Variants in SUMF1 observed in about 807,000 individuals in gnomAD.
SUMF1 encodes formylglycine-generating enzyme.
Under a neutral mutation model 47.6 loss-of-function variants are expected in SUMF1, and 48 were observed. That is an observed-to-expected ratio of 1.01 (90% CI 0.80 to 1.28). SUMF1 has a LOEUF of 1.28. Among genes scored for constraint, SUMF1 ranks in the 50% most tolerant of loss-of-function variants. The pLI is 0.00. For synonymous variants in SUMF1, 230 were observed against 192.1 expected (o/e 1.20, Z -1.63); for missense variants, 571 against 485.4 (o/e 1.18, Z -1.66).
At chr3:4,064,994 G>A (rs140264360) in intron 9 of SUMF1, among the ~76,000 whole-genome samples, 60 of 152,258 alleles carry the variant, frequency 3.9e-4, no homozygotes, top group African/African-American at 1.3e-3. Flanking sequence ...CTTGCAACAT[G>A]TAAATAAAAA....
intron 7 of SUMF1, among the ~76,000 whole-genome samples, chr3:4,387,157 G>A (rs999798092): frequency 1.9e-4 from 29 of 151,940 alleles, no homozygotes; most frequent in Admixed American, 1.6e-3. Context: ...AAAACAAATT[G>A]TGTAGAATTG....
chr3:4,264,325 G>A lies in SUMF1; in HGVS notation c.1014+112005C>T, dbSNP rs1007467317. Reference sequence around the variant, plus strand: ...GGAGCTAATGAGGGAATCTGGGAAGGAGCAGTGAGACTTTTAACAAAAGAG... The same window carrying A: ...GGAGCTAATGAGGGAATCTGGGAAGAAGCAGTGAGACTTTTAACAAAAGAG... On this transcript the variant is annotated intron_variant and NMD_transcript_variant, in intron 8 of 12. Transcript: ENST00000448413. Among the ~76,000 whole-genome samples the A allele has an allele frequency of 3.3e-5, 5 of 152,266 alleles. No individual in the cohort carries two copies. In the South Asian group the frequency reaches 6.2e-4, roughly 19 times the overall value.
chr3:4,287,839 T>C (rs1353591190), intron 8 of SUMF1, among the ~76,000 whole-genome samples: 1 of 152,244 alleles, frequency 6.6e-6, no homozygotes, highest in East Asian at 1.9e-4. Flanking sequence ...GAAAATTCTA[T>C]TATTATCAAC....
intron 9 of SUMF1, among the ~76,000 whole-genome samples, chr3:4,041,234 G>A (rs1694902885): frequency 6.6e-6 from 1 of 152,086 alleles, no homozygotes; most frequent in African/African-American, 2.4e-5. Flanking sequence ...ACCATGCCCA[G>A]GTAATTTTTG....
At chr3:4,374,279 T>C (rs1700257751) in intron 8 of SUMF1, among the ~76,000 whole-genome samples, 1 of 152,080 alleles carries the variant, frequency 6.6e-6, no homozygotes, top group Admixed American at 6.5e-5. Flanking sequence ...ATGTAGAAAA[T>C]ATGATACAAT....
chr3:4,369,644 T>C (rs1365181375), intron 8 of SUMF1, among the ~76,000 whole-genome samples: 1 of 152,210 alleles, frequency 6.6e-6, no homozygotes, highest in African/African-American at 2.4e-5. Context: ...TCCATGATCA[T>C]GGCAGTGGTC....
intron 8 of SUMF1, among the ~76,000 whole-genome samples, chr3:4,368,709 C>G (rs1700068608): frequency 6.6e-6 from 1 of 152,182 alleles, no homozygotes; most frequent in Non-Finnish European, 1.5e-5. Context: ...CACTTGTACA[C>G]TTGCATAAAC....
rs2079648335 is a variant in SUMF1 at position 4,456,874 on chromosome 3, CTATATGTGTGTGTATA to C, written c.271-3841_271-3826del. Among the ~76,000 whole-genome samples, 4 of 18,298 alleles carry C rather than the reference CTATATGTGTGTGTATA, an allele frequency of 2.2e-4. No homozygotes were observed. In the South Asian group the frequency reaches 5.8e-3, roughly 26 times the overall value. 12.0% of individuals were successfully genotyped at this position (18,298 alleles called of 152,430 possible). On this transcript the variant is annotated intron_variant, in intron 1 of 8. Transcript: ENST00000272902. ...TGTGTATATATATGTGTGTGTATAT[CTATATGTGTGTGTATA>C]TATATGTGTGTGTATATCTATATAC...
At chr3:4,210,483 C>A (rs1445396071) in intron 8 of SUMF1, among the ~76,000 whole-genome samples, 7 of 152,078 alleles carry the variant, frequency 4.6e-5, no homozygotes, top group Admixed American at 3.9e-4. Flanking sequence ...ATATTGTCAC[C>A]AATTTACATA....
intron 7 of SUMF1, among the ~76,000 whole-genome samples, chr3:4,394,665 C>G (rs1253596681): frequency 2.0e-5 from 3 of 152,170 alleles, no homozygotes; most frequent in African/African-American, 7.2e-5. Context: ...ATTTACTAAG[C>G]AACCTAGAAG....
chr3:4,456,648 A>ATGTGTGTG lies in SUMF1; in HGVS notation c.271-3600_271-3599insCACACACA, dbSNP rs1315366535. 4.5e-3 allele frequency among the ~76,000 whole-genome samples: 653 copies of ATGTGTGTG among 143,546 alleles called. 20 individuals carry two copies. The highest frequency in any genetic ancestry group is 7.4e-3 in the Middle Eastern group (2 of 270). The allele number at this position is 143,546 out of a possible 152,430, so 94.2% of individuals were successfully genotyped here. ...TATATATATATACGTGTATATATATATATGTGTGTGTATATATATATATAC... is the reference window on the plus strand; with the variant it reads ...TATATATATATACGTGTATATATATATGTGTGTGTATGTGTGTGTATATATATATATAC... On this transcript the variant is annotated intron_variant, in intron 1 of 8. Coordinates refer to ENST00000272902, the MANE Select transcript of SUMF1 (RefSeq NM_182760.4).
At chr3:4,420,847 G>A (rs1015818088) in intron 3 of SUMF1, among the ~76,000 whole-genome samples, 1 of 152,160 alleles carries the variant, frequency 6.6e-6, no homozygotes, top group South Asian at 2.1e-4. Flanking sequence ...GGTGGTCAGA[G>A]ATCAAGCTGA....
chr3:4,377,718 T>C (rs1700372929), intron 7 of SUMF1, among the ~76,000 whole-genome samples: 1 of 152,154 alleles, frequency 6.6e-6, no homozygotes, highest in African/African-American at 2.4e-5. Flanking sequence ...CAACATCAGG[T>C]AAGGCATACA....
intron 9 of SUMF1, among the ~76,000 whole-genome samples, chr3:4,043,883 C>A (rs1694956421): frequency 6.6e-6 from 1 of 152,068 alleles, no homozygotes; most frequent in African/African-American, 2.4e-5. Flanking sequence ...ATCAATTTTG[C>A]CCTCGAGGTT....
At chr3:4,123,364 C>G (rs549153413) in intron 8 of SUMF1, among the ~76,000 whole-genome samples, 3 of 152,114 alleles carry the variant, frequency 2.0e-5, no homozygotes, top group African/African-American at 7.2e-5. Flanking sequence ...ATTCTGCACA[C>G]AGTGAACACT....
chr3:4,321,471 A>AAT (rs1491310236), intron 8 of SUMF1, among the ~76,000 whole-genome samples: 1 of 65,310 alleles, frequency 1.5e-5, no homozygotes, highest in Non-Finnish European at 2.8e-5. Flanking sequence ...AGGAAATGCT[A>AAT]AAAAAAAAAA....
At chr3:4,067,961 A>G (rs370324976) in intron 9 of SUMF1, among the ~76,000 whole-genome samples, 15 of 152,176 alleles carry the variant, frequency 9.9e-5, no homozygotes, top group African/African-American at 3.4e-4. Flanking sequence ...CTAAGAGTCC[A>G]AAAAGCAAAA....
chr3:4,252,111 C>T (rs1696815800), intron 8 of SUMF1, among the ~76,000 whole-genome samples: 3 of 152,088 alleles, frequency 2.0e-5, no homozygotes, highest in African/African-American at 4.8e-5. Flanking sequence ...ACCCCACTGA[C>T]CTAAGTAAAT....
chr3:4,141,988 C>T (rs1443492601), intron 8 of SUMF1, among the ~76,000 whole-genome samples: 6 of 152,114 alleles, frequency 3.9e-5, no homozygotes, highest in Non-Finnish European at 8.8e-5. Context: ...TGCTGTGTTT[C>T]ATTACAATCA....
Sources: allele counts gnomAD v4.1 joint callset (sites outside exome capture counted in the v4.1 genomes callset), GRCh38; gene constraint gnomAD v4.1.1; transcripts MANE v1.5; gene names NCBI Gene and HGNC (gene_info 2026-07-23, HGNC 2026-07-21).